The following MACF1 variants were observed in gnomAD, a reference collection of about 807,000 sequenced individuals.
MACF1 encodes the protein microtubule actin crosslinking factor 1.
In MACF1, 193 loss-of-function variants were observed where a neutral mutation model predicts 854.8. The observed-to-expected ratio is 0.23, with a 90% CI of 0.20 to 0.25. The LOEUF is 0.25. Ranked by LOEUF, MACF1 falls within the 10% of genes least tolerant of loss-of-function variation. The pLI is 1.00. For synonymous variants in MACF1, 3,185 were observed against 3,226.7 expected, an observed-to-expected ratio of 0.99 and a Z score of 0.44; for missense variants, 7,722 against 8,929.1, an observed-to-expected ratio of 0.86 and a Z score of 5.45.
intron 2 of MACF1, among the ~76,000 whole-genome samples, chr1:39,239,893 CCCTT>C (rs928097542): frequency 1.2e-4 from 19 of 152,088 alleles, no homozygotes; most frequent in Admixed American, 9.8e-4. Flanking sequence ...TTACAACCAA[CCCTT>C]CCTTCCTTCC....
intron 26 of MACF1, among the ~76,000 whole-genome samples, chr1:39,314,851 CT>C (rs1646380648): frequency 6.6e-6 from 1 of 152,128 alleles, no homozygotes; most frequent in South Asian, 2.1e-4. Context: ...TTCCTTATGT[CT>C]TTAGCCTAAA....
rs530783013 is a variant in MACF1, at chr1:39,218,963, T to G, written c.110-12219T>G. On this transcript the variant is annotated intron_variant, in intron 1 of 100. Transcript: ENST00000564288. The stretch of plus-strand genomic sequence containing the variant: ...ACCTGGCTGATTTTTGTACTTTTAG[T>G]GGAGACGGGGTTTCACCATGTTGGC... 2.0e-5 allele frequency among the ~76,000 whole-genome samples: 3 copies of G among 152,308 alleles called. No individual in the cohort carries two copies. The South Asian group carries it at 6.2e-4, about 32-fold the overall frequency.
intron 84 of MACF1, 86 bp from the exon 85 acceptor site, chr1:39,450,966 G>A: frequency 6.9e-7 from 1 of 1,450,614 alleles, no homozygotes; most frequent in Non-Finnish European, 9.5e-7. Context: ...TAGGGTTCAA[G>A]CAATATTCCC....
At chr1:39,208,435 A>G (rs1644478009) in intron 1 of MACF1, among the ~76,000 whole-genome samples, 1 of 151,926 alleles carries the variant, frequency 6.6e-6, no homozygotes, top group African/African-American at 2.4e-5. Flanking sequence ...TTCTCTCCTT[A>G]CTAATTAAAA....
In MACF1 at chr1:39,148,606, G is replaced by C. The variant is rs556100946; in HGVS notation, c.220+64168G>C. 2.0e-5 allele frequency among the ~76,000 whole-genome samples: 3 copies of C among 152,244 alleles called. No individual in the cohort carries two copies. The East Asian group carries it at 5.8e-4, about 29-fold the overall frequency. Reference sequence around the variant, plus strand: ...CTTAGTGTATGTTGAAAGTCTTTCAGTGTCAAAAATATGTATCAGCATCAT... The same window carrying C: ...CTTAGTGTATGTTGAAAGTCTTTCACTGTCAAAAATATGTATCAGCATCAT... On this transcript the variant is annotated intron_variant, in intron 2 of 93. Coordinates refer to the MACF1 transcript ENST00000361689.
chr1:39,340,895 A>G lies in MACF1; in HGVS notation c.10523A>G (p.Lys3508Arg). 1 of 1,613,978 alleles carries G rather than the reference A, an allele frequency of 6.2e-7. No homozygotes were observed. The highest frequency in any genetic ancestry group is 8.5e-7 in the Non-Finnish European group (1 of 1,179,872). The change falls in exon 40 of 101, where the codon AAG becomes AGG. Residue 3508 changes from lysine (K) to arginine (R), a missense_variant. This residue lies in a region of MACF1 where 854 missense variants were observed against 852.6 expected (regional missense o/e 1.00). Coordinates refer to ENST00000564288, the MANE Select transcript of MACF1 (RefSeq NM_001394062.1). Reference sequence around the variant, plus strand: ...AATAAAAATCTTATTCTGAACAGCAAGGGATCTAACAGTGAAATAGATGTT... The same window carrying G: ...AATAAAAATCTTATTCTGAACAGCAGGGGATCTAACAGTGAAATAGATGTT... ...VGNKNLILNS[K>R]GSNSEIDVDS... is the part of the protein sequence containing the mutation.
chr1:39,139,422 A>G (rs1170791357), intron 2 of MACF1, among the ~76,000 whole-genome samples: 2 of 151,420 alleles, frequency 1.3e-5, no homozygotes, highest in Non-Finnish European at 2.9e-5. Context: ...ACGTCCAGCT[A>G]ATTTTTGTAT....
At chr1:39,342,360 A>G (rs1264497178) in intron 40 of MACF1, among the ~76,000 whole-genome samples, 2 of 152,096 alleles carry the variant, frequency 1.3e-5, no homozygotes, top group Non-Finnish European at 2.9e-5. Flanking sequence ...TACTGAACAT[A>G]CACACACATG....
In MACF1 at chr1:39,382,215, G is replaced by C. The variant is rs1650283951; in HGVS notation, c.13848+63G>C. On this transcript the variant is annotated intron_variant, in intron 56 of 100. Coordinates refer to ENST00000564288, the MANE Select transcript of MACF1 (RefSeq NM_001394062.1). ...AAACTGGGTTTGAATGTTTCTCCCA[G>C]TAAGTAGATTTCATGTGATCCTGGA... 5 of 1,464,764 alleles carry C rather than the reference G, an allele frequency of 3.4e-6. No homozygotes were observed. The South Asian group carries it at 5.9e-5, about 17-fold the overall frequency. 90.7% of individuals were successfully genotyped at this position (1,464,764 alleles called of 1,614,324 possible). A position where few individuals can be genotyped will look rare whatever the true frequency, so the allele number is the denominator to read the frequency against.
chr1:39,238,940 C>T (rs1054053648), intron 2 of MACF1, among the ~76,000 whole-genome samples: 1 of 152,140 alleles, frequency 6.6e-6, no homozygotes, highest in African/African-American at 2.4e-5. Flanking sequence ...TCCCCAAGTA[C>T]ACCCCAGATT....
chr1:39,131,817 T>G (rs905902413), intron 2 of MACF1, among the ~76,000 whole-genome samples: 1 of 152,218 alleles, frequency 6.6e-6, no homozygotes, highest in African/African-American at 2.4e-5. Flanking sequence ...GTTTATTTAT[T>G]TGTTTATTTT....
At chr1:39,225,217 CT>C (rs139578945) in intron 1 of MACF1, among the ~76,000 whole-genome samples, 2 of 125,198 alleles carry the variant, frequency 1.6e-5, no homozygotes, top group African/African-American at 3.1e-5. Context: ...TTTCTTTTTT[CT>C]TTTTTTTTTG....
At chr1:39,234,588 CG>C (rs1644831879) in intron 2 of MACF1, among the ~76,000 whole-genome samples, 1 of 103,238 alleles carries the variant, frequency 9.7e-6, no homozygotes, top group Non-Finnish European at 2.1e-5. Context: ...GCTGGCCTGG[CG>C]GGGGGCTGAC....
intron 6 of MACF1, among the ~76,000 whole-genome samples, chr1:39,266,918 C>T (rs1645239344): frequency 6.6e-6 from 1 of 152,164 alleles, no homozygotes; most frequent in Non-Finnish European, 1.5e-5. Flanking sequence ...GACTTCCTGC[C>T]CTACTGCAAT....
rs754682929 is a variant in MACF1, at chr1:39,335,979, A to G, written c.9391A>G (p.Lys3131Glu). ...AGTGACAGGCCCATCCCAAATTTCC[A>G]AAACAGACAAGTCTTTCCAAGGAAC... ...AQVTGPSQIS[K>E]TDKSFQGTTR... The change falls in exon 37 of 101, where the codon AAA (lysine) becomes GAA (glutamate). Residue 3131 changes from lysine (K) to glutamate (E), a missense_variant. Around this residue, in one of 15 missense-constraint regions of MACF1, gnomAD observed 854 missense variants for 852.6 expected, o/e 1.00. Transcript: ENST00000564288. The G allele has an allele frequency of 1.2e-6, 2 of 1,614,090 alleles. No homozygotes were observed. Among genetic ancestry groups the G allele is most frequent in the African/African-American group, 1.3e-5 (1 of 74,938 alleles).
chr1:39,356,610 A>G (rs563288663), intron 44 of MACF1, among the ~76,000 whole-genome samples: 65 of 152,286 alleles, frequency 4.3e-4, no homozygotes, highest in African/African-American at 1.3e-3. Flanking sequence ...TGACCTTGTG[A>G]TCTGCCAGCC....
chr1:39,287,599 T>C (rs771463438), intron 15 of MACF1, 37 bp downstream of exon 15: 4 of 1,605,706 alleles, frequency 2.5e-6, no homozygotes, highest in Non-Finnish European at 3.4e-6. Context: ...AGTACACTGA[T>C]GTTTACTGGA....
intron 68 of MACF1, among the ~76,000 whole-genome samples, chr1:39,433,854 C>G (rs1405380450): frequency 6.6e-6 from 1 of 152,182 alleles, no homozygotes; most frequent in East Asian, 1.9e-4. Flanking sequence ...CCAAGGTGGG[C>G]AGATTACCTG....
intron 1 of MACF1, among the ~76,000 whole-genome samples, chr1:39,230,554 G>A (rs563112338): frequency 6.6e-6 from 1 of 151,622 alleles, no homozygotes; most frequent in Admixed American, 6.6e-5. Flanking sequence ...TCATTGTCAA[G>A]CATTGACAGT....
Sources: allele counts gnomAD v4.1 joint callset (sites outside exome capture counted in the v4.1 genomes callset), GRCh38; gene constraint gnomAD v4.1.1; regional missense constraint gnomAD v4.1.1; transcripts MANE v1.5; gene names NCBI Gene and HGNC (gene_info 2026-07-23, HGNC 2026-07-21).